Variants in CDH13 observed in about 807,000 individuals in gnomAD.
The protein encoded by CDH13 is cadherin-13.
Under a neutral mutation model 63.8 loss-of-function variants are expected in CDH13, and 24 were observed. The observed-to-expected ratio is 0.38, with a 90% confidence interval of 0.27 to 0.53. The LOEUF is 0.53. Ranked by LOEUF, CDH13 falls within the 20% of genes least tolerant of loss-of-function variation. The pLI, the probability that CDH13 is intolerant of heterozygous loss-of-function variation, is 0.85. For missense variants in CDH13, 1,049 were observed against 903.1 expected (o/e 1.16, Z -2.07); for synonymous variants, 503 against 355.3 (o/e 1.42, Z -4.67).
chr16:83,655,700 A>ATGTG (rs1265787892), intron 8 of CDH13, among the ~76,000 whole-genome samples: 1 of 152,210 alleles, frequency 6.6e-6, no homozygotes, highest in African/African-American at 2.4e-5. Flanking sequence ...GAGGGCAGGA[A>ATGTG]TGTGTGTCTT....
chr16:83,742,823 T>C (rs1040186857), intron 10 of CDH13, among the ~76,000 whole-genome samples: 2 of 152,158 alleles, frequency 1.3e-5, no homozygotes, highest in Non-Finnish European at 2.9e-5. Context: ...GCAGGTGTGT[T>C]TCTGAGTAGG....
In CDH13 at chr16:83,486,268, CTTT is replaced by C. The variant is rs199522152; in HGVS notation, c.782-208_782-206del. ...TGCTGAACAGCAAAGATGTTTTCTT[CTTT>C]ATTTCAGGTCTTTTCATGGAATGAA... is the stretch of plus-strand genomic sequence containing the variant. On this transcript the variant is annotated intron_variant, in intron 6 of 13. Coordinates refer to ENST00000567109, the MANE Select transcript of CDH13 (RefSeq NM_001257.5). Among the ~76,000 whole-genome samples, 804 of 152,268 alleles carry C rather than the reference CTTT, an allele frequency of 5.3e-3. 7 individuals carry two copies. The highest frequency in any genetic ancestry group is 0.018 in the African/African-American group (754 of 41,564).
chr16:82,745,164 T>G (rs2034105033), intron 1 of CDH13, among the ~76,000 whole-genome samples: 1 of 152,160 alleles, frequency 6.6e-6, no homozygotes, highest in Non-Finnish European at 1.5e-5. Context: ...TACTGTTGAA[T>G]CTGGTTACCC....
intron 3 of CDH13, among the ~76,000 whole-genome samples, chr16:83,053,932 A>G (rs888583684): frequency 6.6e-6 from 1 of 152,214 alleles, no homozygotes; most frequent in African/African-American, 2.4e-5. Context: ...GTTTTGGTCA[A>G]TGACGGACCA....
intron 2 of CDH13, among the ~76,000 whole-genome samples, chr16:82,901,655 A>T (rs973718449): frequency 6.6e-6 from 1 of 152,206 alleles, no homozygotes; most frequent in Non-Finnish European, 1.5e-5. Flanking sequence ...ACAAATATTG[A>T]TTGGATTAAA....
intron 11 of CDH13, among the ~76,000 whole-genome samples, chr16:83,767,070 T>G (rs747529172): frequency 1.3e-5 from 2 of 152,214 alleles, no homozygotes; most frequent in Non-Finnish European, 2.9e-5. Flanking sequence ...AGCATGAGAA[T>G]GGACTCATAT....
Position 82,768,090 on chromosome 16 carries a change from T to C in CDH13, c.46-90272T>C, listed in dbSNP as rs562579123. On this transcript the variant is annotated intron_variant, in intron 1 of 13. Coordinates refer to ENST00000567109, the MANE Select transcript of CDH13 (RefSeq NM_001257.5). ...AAGGGAAGGAAACTGTCAGGAGTGA[T>C]TGCTGTCATGTGGAAGAAGCCTAAA... is the stretch of plus-strand genomic sequence containing the variant. 1.1e-3 allele frequency among the ~76,000 whole-genome samples: 174 copies of C among 152,282 alleles called. 1 individual carries two copies. Among genetic ancestry groups the C allele is most frequent in the Non-Finnish European group, 2.1e-3 (146 of 68,030 alleles).
chr16:82,826,076 T>G (rs2549150), intron 1 of CDH13: 3 of 151,918 alleles, frequency 2.0e-5, no homozygotes, highest in Non-Finnish European at 2.9e-5. Flanking sequence ...AGGATGGTCT[T>G]GATCTCCTGA....
chr16:83,002,109 C>G (rs902413168), intron 2 of CDH13, among the ~76,000 whole-genome samples: 1 of 152,168 alleles, frequency 6.6e-6, no homozygotes, highest in African/African-American at 2.4e-5. Context: ...ATGTCGGCCC[C>G]AAAAAGATAT....
chr16:83,726,786 G>T (rs1567554433), intron 10 of CDH13, among the ~76,000 whole-genome samples: 1 of 151,966 alleles, frequency 6.6e-6, no homozygotes, highest in Non-Finnish European at 1.5e-5. Flanking sequence ...TGTAGTGAGC[G>T]GAGATGGCGC....
chr16:82,830,336 C>G (rs967712065), intron 1 of CDH13, among the ~76,000 whole-genome samples: 1 of 152,166 alleles, frequency 6.6e-6, no homozygotes, highest in Non-Finnish European at 1.5e-5. Flanking sequence ...TTATGACATA[C>G]CTGGTGTTGA....
chr16:83,385,427 T>C (rs1007673272), intron 6 of CDH13, among the ~76,000 whole-genome samples: 2 of 152,220 alleles, frequency 1.3e-5, no homozygotes, highest in African/African-American at 4.8e-5. Context: ...GGTGGCCTGA[T>C]CACTTTTCAG....
At chr16:83,200,562 C>T (rs2038995649) in intron 4 of CDH13, among the ~76,000 whole-genome samples, 1 of 152,160 alleles carries the variant, frequency 6.6e-6, no homozygotes, top group Non-Finnish European at 1.5e-5. Flanking sequence ...TTAGAATTCA[C>T]CACACAACAT....
intron 1 of CDH13, among the ~76,000 whole-genome samples, chr16:82,670,246 C>T (rs1374504472): frequency 1.3e-5 from 2 of 152,214 alleles, no homozygotes; most frequent in African/African-American, 4.8e-5. Context: ...CTAGTCGGAA[C>T]ATTTGAACAT....
intron 1 of CDH13, among the ~76,000 whole-genome samples, chr16:82,747,110 C>A (rs1243848083): frequency 6.6e-6 from 1 of 152,122 alleles, no homozygotes; most frequent in Admixed American, 6.6e-5. Context: ...AGTTTTATTT[C>A]CAGTGGGACT....
intron 3 of CDH13, among the ~76,000 whole-genome samples, chr16:83,082,759 A>G (rs535270706): frequency 6.6e-6 from 1 of 152,376 alleles, no homozygotes; most frequent in East Asian, 1.9e-4. Context: ...TAAGTACAGA[A>G]TCAAGAGATT....
intron 1 of CDH13, among the ~76,000 whole-genome samples, chr16:82,632,283 A>G (rs1908107129): frequency 6.6e-6 from 1 of 152,298 alleles, no homozygotes; most frequent in Middle Eastern, 3.4e-3. Context: ...AGGTTTGATC[A>G]AATTGATGCA....
chr16:83,294,727 G>A (rs189755046), intron 5 of CDH13, among the ~76,000 whole-genome samples: 2 of 152,020 alleles, frequency 1.3e-5, no homozygotes, highest in East Asian at 3.9e-4. Context: ...AAAAGAAATT[G>A]AAGAAAACAA....
intron 2 of CDH13, among the ~76,000 whole-genome samples, chr16:82,950,203 GCTT>G (rs1905149480): frequency 6.6e-6 from 1 of 152,102 alleles, no homozygotes; most frequent in Non-Finnish European, 1.5e-5. Context: ...GCCTCTCTCA[GCTT>G]CTGGAGGTTT....
Sources: gnomAD v4.1 joint callset for allele counts (sites outside exome capture counted in the v4.1 genomes callset) on GRCh38, gnomAD v4.1.1 for gene constraint, MANE v1.5 for transcripts, NCBI Gene and HGNC (gene_info 2026-07-23, HGNC 2026-07-21) for gene names.